The following GON7 variants were observed in gnomAD, a reference collection of about 807,000 sequenced individuals.
GON7 encodes the protein EKC/KEOPS complex subunit GON7.
A neutral mutation model predicts 7.6 loss-of-function variants in GON7; 2 were observed. The ratio of observed to expected loss-of-function variants is 0.26; its 90% CI spans 0.11 to 0.83. The LOEUF (loss-of-function observed/expected upper bound fraction) is 0.83, where lower values mean the gene tolerates loss of function less well. Among genes scored for constraint, GON7 ranks in the 40% least tolerant of loss-of-function variants. The pLI is 0.65. For synonymous variants in GON7, 54 were observed against 56.6 expected (o/e 0.95, Z 0.20); for missense variants, 121 against 132.2 (o/e 0.92, Z 0.42).
chr14:93,204,524 G>A (rs1894306286), intron 1 of GON7, among the ~76,000 whole-genome samples: 1 of 152,164 alleles, frequency 6.6e-6, no homozygotes, highest in Non-Finnish European at 1.5e-5. Context: ...CCAGGTTCAA[G>A]TGATCCTCCT....
intron 1 of GON7, among the ~76,000 whole-genome samples, chr14:93,205,598 G>A (rs1263392): frequency 9.2e-5 from 14 of 151,478 alleles, no homozygotes; most frequent in Non-Finnish European, 1.3e-4. Context: ...ACCGGGGAGG[G>A]AGAGGTTGCA....
At chr14:93,205,972 AAC>A (rs1487968743) in intron 1 of GON7, among the ~76,000 whole-genome samples, 1 of 152,160 alleles carries the variant, frequency 6.6e-6, no homozygotes, top group Non-Finnish European at 1.5e-5. Flanking sequence ...CTGGGTTTGC[AAC>A]AGTTACAGAG....
chr14:93,203,407 CAAT>C lies in GON7; in HGVS notation c.*278_*280del, dbSNP rs1260199558. ...CAATGATTATTTTAAAAATAGAAAACAATGATAAAAATTCAGTTGCCAACTTAG... is the reference window on the plus strand; with the variant it reads ...CAATGATTATTTTAAAAATAGAAAACGATAAAAATTCAGTTGCCAACTTAG... On this transcript the variant is annotated 3_prime_UTR_variant, in exon 2 of 2. Coordinates refer to ENST00000306954, the MANE Select transcript of GON7 (RefSeq NM_032490.5). 5 of 351,022 alleles carry C rather than the reference CAAT, an allele frequency of 1.4e-5. No homozygotes were observed. The highest frequency in any genetic ancestry group is 2.6e-5 in the Non-Finnish European group (5 of 194,738). 21.7% of individuals were successfully genotyped at this position (351,022 alleles called of 1,614,324 possible).
chr14:93,204,212 T>C (rs1448444623), intron 1 of GON7, among the ~76,000 whole-genome samples: 2 of 152,158 alleles, frequency 1.3e-5, no homozygotes, highest in Non-Finnish European at 2.9e-5. Flanking sequence ...GCCAAGATGG[T>C]CTTGTTCTCC....
At chr14:93,206,147 A>T (rs964576463) in intron 1 of GON7, among the ~76,000 whole-genome samples, 3 of 152,120 alleles carry the variant, frequency 2.0e-5, no homozygotes, top group African/African-American at 7.2e-5. Context: ...AGTAGCTGGG[A>T]CTACAGGAGC....
chr14:93,203,433 T>TA lies in GON7; in HGVS notation c.*254dup, dbSNP rs1201799488. On this transcript the variant is annotated 3_prime_UTR_variant, in exon 2 of 2. Transcript: ENST00000306954. The stretch of plus-strand genomic sequence containing the variant: ...AATGATAAAAATTCAGTTGCCAACT[T>TA]AGAGGATTTTATACATTATGAAGTG... The TA allele has an allele frequency of 1.0e-5, 4 of 397,654 alleles. No individual in the cohort carries two copies. Among genetic ancestry groups the TA allele is most frequent in the Admixed American group, 4.0e-5 (1 of 25,204 alleles). The allele number at this position is 397,654 out of a possible 1,614,324, so 24.6% of individuals were successfully genotyped here.
At chr14:93,206,398 CCAGGGCTCAGCT>C (rs1233829213) in intron 1 of GON7, among the ~76,000 whole-genome samples, 1 of 152,066 alleles carries the variant, frequency 6.6e-6, no homozygotes, top group Non-Finnish European at 1.5e-5. Context: ...CATTCTTCCT[CCAGGGCTCAGCT>C]CAGGGTTTGG....
chr14:93,205,552 A>T (rs754958427), intron 1 of GON7, among the ~76,000 whole-genome samples: 11 of 151,972 alleles, frequency 7.2e-5, no homozygotes, highest in Admixed American at 1.3e-4. Flanking sequence ...CTGTAATCCC[A>T]GTTACTCCGG....
chr14:93,206,894 G>C lies in GON7; in HGVS notation c.144C>G (p.Phe48Leu). 1 of 1,614,198 alleles carries C rather than the reference G, an allele frequency of 6.2e-7. No individual in the cohort carries two copies. Among genetic ancestry groups the C allele is most frequent in the Non-Finnish European group, 8.5e-7 (1 of 1,180,042 alleles). The change falls in exon 1 of 2, where the codon TTC becomes TTG. Residue 48 changes from phenylalanine to leucine, a missense_variant. Physicochemically the swap from Phe to Leu is conservative, Grantham distance 22. Coordinates refer to ENST00000306954, the MANE Select transcript of GON7 (RefSeq NM_032490.5). The part of the protein sequence containing the change: ...AQMKDMVTEL[F>L]DPLVQGEVQH... Reference sequence around the variant, plus strand: ...GCACTTCCCCCTGTACCAGAGGGTCGAATAATTCCGTTACCATGTCCTTCA... The same window carrying C: ...GCACTTCCCCCTGTACCAGAGGGTCCAATAATTCCGTTACCATGTCCTTCA...
At chr14:93,204,246 G>A (rs552944393) in intron 1 of GON7, among the ~76,000 whole-genome samples, 15 of 152,146 alleles carry the variant, frequency 9.9e-5, no homozygotes, top group South Asian at 2.1e-4. Context: ...CGCCCGCCTC[G>A]GCCTCCCAAA....
At chr14:93,206,299 A>T (rs1012441042) in intron 1 of GON7, among the ~76,000 whole-genome samples, 3 of 148,242 alleles carry the variant, frequency 2.0e-5, no homozygotes, top group African/African-American at 7.5e-5. Flanking sequence ...GTGAGCCACC[A>T]GCCCGGACCA....
chr14:93,206,083 G>C (rs1003573341), intron 1 of GON7, among the ~76,000 whole-genome samples: 2 of 151,896 alleles, frequency 1.3e-5, no homozygotes, highest in African/African-American at 4.8e-5. Flanking sequence ...TCGGCTCACT[G>C]CACCCTCTGC....
intron 1 of GON7, among the ~76,000 whole-genome samples, chr14:93,206,327 A>G (rs1894343083): frequency 1.3e-5 from 2 of 151,628 alleles, no homozygotes. Flanking sequence ...TTTTAATAAG[A>G]GTGTCTGCCT....
In GON7 at chr14:93,203,613, A is replaced by G. The variant is rs139893467; in HGVS notation, c.*75T>C. The stretch of plus-strand genomic sequence containing the variant: ...ACAAATGCTTTTTCCAAATTAGAGC[A>G]TAAGTCTTCCTTAAATGTCCTAGTG... On this transcript the variant is annotated 3_prime_UTR_variant, in exon 2 of 2. Coordinates refer to ENST00000306954, the MANE Select transcript of GON7 (RefSeq NM_032490.5). 3.5e-4 allele frequency: 453 copies of G among 1,281,758 alleles called. 4 individuals carry two copies. In the East Asian group the frequency reaches 7.9e-3, roughly 22 times the overall value. The allele number at this position is 1,281,758 out of a possible 1,614,324, so 79.4% of individuals were successfully genotyped here. A position where few individuals can be genotyped will look rare whatever the true frequency, so the allele number is the denominator to read the frequency against.
In GON7 at chr14:93,206,916, T is replaced by G. The variant is rs1894358565; in HGVS notation, c.122A>C (p.Lys41Thr). Reference protein sequence around the residue: ...QGLLSGVAQMKDMVTELFDPL... With the variant: ...QGLLSGVAQMTDMVTELFDPL... ...GTCGAATAATTCCGTTACCATGTCC[T>G]TCATCTGGGCCACGCCAGACAACAG... is the stretch of plus-strand genomic sequence containing the variant. Residue 41 changes from lysine to threonine, a missense_variant, in exon 1 of 2, where the codon AAG becomes ACG. Coordinates refer to ENST00000306954, the MANE Select transcript of GON7 (RefSeq NM_032490.5). The G allele has an allele frequency of 6.2e-7, 1 of 1,614,184 alleles. No individual in the cohort carries two copies. Among genetic ancestry groups the G allele is most frequent in the South Asian group, 1.1e-5 (1 of 91,088 alleles).
At chr14:93,206,574 C>T (rs1279037598) in intron 1 of GON7, among the ~76,000 whole-genome samples, 1 of 151,924 alleles carries the variant, frequency 6.6e-6, no homozygotes, top group Non-Finnish European at 1.5e-5. Flanking sequence ...ATAATAGAAA[C>T]GGGGTCTCGA....
intron 1 of GON7, 84 bp from the exon 2 acceptor site, chr14:93,203,866 C>A: frequency 2.1e-6 from 2 of 931,932 alleles, no homozygotes; most frequent in African/African-American, 1.6e-5. Context: ...ATAATGAGAC[C>A]ATTTCACTTT....
chr14:93,203,879 G>T, intron 1 of GON7, 97 bp from the exon 2 acceptor site: 4 of 766,054 alleles, frequency 5.2e-6, no homozygotes, highest in East Asian at 2.8e-5. Context: ...TTCACTTTAG[G>T]GATTAATAAA....
In GON7 at chr14:93,203,795, A is replaced by G. The variant is rs778492301; in HGVS notation, c.209-13T>C. On this transcript the variant is annotated splice_polypyrimidine_tract_variant and intron_variant, in intron 1 of 1. Coordinates refer to ENST00000306954, the MANE Select transcript of GON7 (RefSeq NM_032490.5). ...TCTTCATCATCACCTTTTAAAATAAATATTTGTTGTATGACAATACGTTCT... is the reference window on the plus strand; with the variant it reads ...TCTTCATCATCACCTTTTAAAATAAGTATTTGTTGTATGACAATACGTTCT... 1 of 1,602,090 alleles carries G rather than the reference A, an allele frequency of 6.2e-7. No homozygotes were observed. The highest frequency in any genetic ancestry group is 8.5e-7 in the Non-Finnish European group (1 of 1,169,900).
Sources: allele counts gnomAD v4.1 joint callset (sites outside exome capture counted in the v4.1 genomes callset), GRCh38; gene constraint gnomAD v4.1.1; transcripts MANE v1.5; gene names NCBI Gene and HGNC (gene_info 2026-07-23, HGNC 2026-07-21).